MCPH1: variants seen among roughly 807,000 people sequenced by gnomAD.
The protein encoded by MCPH1 is microcephalin.
Under a neutral mutation model 84.5 loss-of-function variants are expected in MCPH1, and 104 were observed. The observed-to-expected ratio is 1.23, with a 90% CI of 1.05 to 1.45. The LOEUF is 1.45. Among genes scored for constraint, MCPH1 ranks in the 40% most tolerant of loss-of-function variants. The probability of loss-of-function intolerance (pLI) is 0.00; values close to 1 mark genes in which losing one functional copy is unlikely to be tolerated. For synonymous variants in MCPH1, 514 were observed against 366.8 expected, an observed-to-expected ratio of 1.40 and a Z score of -4.58; for missense variants, 1,498 against 1,005.7, an observed-to-expected ratio of 1.49 and a Z score of -6.62.
At chr8:6,459,426 C>G (rs1241244041) in intron 9 of MCPH1, among the ~76,000 whole-genome samples, 1 of 152,062 alleles carries the variant, frequency 6.6e-6, no homozygotes, top group Non-Finnish European at 1.5e-5. Context: ...CAGGTGCACG[C>G]CACATATTTT....
At chr8:6,498,507 G>A (rs1299542718) in intron 11 of MCPH1, among the ~76,000 whole-genome samples, 1 of 152,100 alleles carries the variant, frequency 6.6e-6, no homozygotes, top group African/African-American at 2.4e-5. Context: ...GCTTCTTATG[G>A]TTTTGTTTTC....
chr8:6,445,124 A>T lies in MCPH1; in HGVS notation c.1402A>T (p.Thr468Ser), dbSNP rs1472912410. The T allele has an allele frequency of 6.2e-7, 1 of 1,614,144 alleles. No homozygotes were observed. The highest frequency in any genetic ancestry group is 8.5e-7 in the Non-Finnish European group (1 of 1,180,048). ...MSDFSCVGKK[T>S]RTVDITNFTA... is the part of the protein sequence containing the mutation. ...TGATTTTTCCTGCGTTGGCAAAAAA[A>T]CCAGAACAGTTGACATTACCAATTT... Residue 468 changes from threonine to serine, a missense_variant, in exon 8 of 14, where the codon ACC (threonine) becomes TCC (serine). Thr to Ser is a moderately conservative substitution (Grantham distance 58, BLOSUM62 1). Transcript: ENST00000344683.
In MCPH1 at chr8:6,445,326, C is replaced by G. The variant is rs1804161834; in HGVS notation, c.1604C>G (p.Pro535Arg). 1 of 1,614,202 alleles carries G rather than the reference C, an allele frequency of 6.2e-7. No homozygotes were observed. The highest frequency in any genetic ancestry group is 8.5e-7 in the Non-Finnish European group (1 of 1,180,034). The change falls in exon 8 of 14, where the codon CCA (proline) becomes CGA (arginine). Residue 535 changes from proline (P) to arginine (R), a missense_variant. Coordinates refer to ENST00000344683, the MANE Select transcript of MCPH1 (RefSeq NM_024596.5). ...TACACCATTGAGGACCCTGCTCTTCCAAAAGGACATGATGATGATTTAACT... is the reference window on the plus strand; with the variant it reads ...TACACCATTGAGGACCCTGCTCTTCGAAAAGGACATGATGATGATTTAACT... Reference protein sequence around the residue: ...FSYTIEDPALPKGHDDDLTPL... With the variant: ...FSYTIEDPALRKGHDDDLTPL...
At chr8:6,453,086 C>T (rs1805269199) in intron 8 of MCPH1, among the ~76,000 whole-genome samples, 1 of 152,074 alleles carries the variant, frequency 6.6e-6, no homozygotes, top group South Asian at 2.1e-4. Flanking sequence ...GATGACAACC[C>T]ATGAAAAAAC....
At chr8:6,477,051 A>G (rs759232626) in intron 9 of MCPH1, among the ~76,000 whole-genome samples, 15 of 71,542 alleles carry the variant, frequency 2.1e-4, no homozygotes, top group Non-Finnish European at 3.7e-4. Flanking sequence ...AAAAAATTAA[A>G]CATTTTATTT....
chr8:6,474,313 T>G (rs2515589), intron 9 of MCPH1: 5 of 491,734 alleles, frequency 1.0e-5, no homozygotes, highest in African/African-American at 5.8e-5. Flanking sequence ...TTTTCCAACC[T>G]CTGGTGTACC....
intron 11 of MCPH1, among the ~76,000 whole-genome samples, chr8:6,485,969 G>A (rs564164493): frequency 2.0e-4 from 31 of 152,218 alleles, no homozygotes; most frequent in African/African-American, 6.5e-4. Flanking sequence ...CACTTTCTCT[G>A]TTCATCTCAG....
chr8:6,634,058 G>C (rs1797359033), intron 13 of MCPH1, among the ~76,000 whole-genome samples: 1 of 152,154 alleles, frequency 6.6e-6, no homozygotes. Context: ...TGCTGAATGT[G>C]ATGAGCAGAA....
intron 12 of MCPH1, among the ~76,000 whole-genome samples, chr8:6,578,259 C>T (rs139963627): frequency 6.6e-6 from 1 of 152,330 alleles, no homozygotes; most frequent in East Asian, 1.9e-4. Context: ...GTAAAGCACT[C>T]AGCCAGAGCC....
Position 6,468,295 on chromosome 8 carries a change from G to A in MCPH1, c.1936-9299G>A, listed in dbSNP as rs76261666. Among the ~76,000 whole-genome samples the A allele has an allele frequency of 3.3e-3, 509 of 152,164 alleles. 7 individuals carry two copies. Among genetic ancestry groups the A allele is most frequent in the African/African-American group, 0.011 (452 of 41,514 alleles). On this transcript the variant is annotated intron_variant, in intron 9 of 13. Transcript: ENST00000344683. The stretch of plus-strand genomic sequence containing the variant: ...GGAAGGGGGATGCTTGGATGTTCCC[G>A]GGTGTCACCTGTGCATGCCCCCTAT...
In MCPH1 at chr8:6,444,655, CACCCCTG is replaced by C. The variant is rs781402606; in HGVS notation, c.937_943del (p.Pro313LysfsTer30). 1.2e-6 allele frequency: 2 copies of C among 1,613,960 alleles called. No homozygotes were observed. The highest frequency in any genetic ancestry group is 2.2e-5 in the South Asian group (2 of 91,076). On this transcript the variant is annotated frameshift_variant, in exon 8 of 14. Transcript: ENST00000344683. LOFTEE classifies it high-confidence loss of function. ...AAAGAAATATTGCAGGTAAAGTAGT[CACCCCTG>C]ACCAAAAGCAGGCTGCAGGTATGTC...
intron 9 of MCPH1, among the ~76,000 whole-genome samples, chr8:6,461,037 C>T (rs1209356309): frequency 6.6e-6 from 1 of 152,080 alleles, no homozygotes; most frequent in African/African-American, 2.4e-5. Context: ...GAGAAGACAG[C>T]AGTAAGAGGC....
intron 12 of MCPH1, among the ~76,000 whole-genome samples, chr8:6,599,667 C>A (rs879225442): frequency 2.0e-5 from 3 of 152,330 alleles, no homozygotes; most frequent in African/African-American, 7.2e-5. Flanking sequence ...GTTGAGTCAT[C>A]TGTTGTTGGA....
intron 3 of MCPH1, among the ~76,000 whole-genome samples, chr8:6,430,482 C>T (rs1231377352): frequency 6.6e-6 from 1 of 152,244 alleles, no homozygotes; most frequent in Non-Finnish European, 1.5e-5. Flanking sequence ...ATGACATTCA[C>T]TACCCTAGTG....
intron 9 of MCPH1, among the ~76,000 whole-genome samples, chr8:6,474,443 A>G (rs867566936): frequency 1.3e-4 from 20 of 152,190 alleles, no homozygotes; most frequent in Non-Finnish European, 2.1e-4. Context: ...TTAACATGCA[A>G]TGGGTTCACC....
chr8:6,589,272 A>G (rs1207237024), intron 12 of MCPH1, among the ~76,000 whole-genome samples: 1 of 151,026 alleles, frequency 6.6e-6, no homozygotes, highest in African/African-American at 2.4e-5. Context: ...TTCTTCAAAA[A>G]TGACTGATAC....
At chr8:6,534,938 G>T (rs1820222023) in intron 12 of MCPH1, among the ~76,000 whole-genome samples, 1 of 152,190 alleles carries the variant, frequency 6.6e-6, no homozygotes, top group Non-Finnish European at 1.5e-5. Flanking sequence ...TTTTGAGGTT[G>T]CAGTTAAAGC....
chr8:6,639,216 G>C (rs189088826), intron 13 of MCPH1, among the ~76,000 whole-genome samples: 1 of 152,312 alleles, frequency 6.6e-6, no homozygotes, highest in Non-Finnish European at 1.5e-5. Flanking sequence ...TAGATGGGTA[G>C]ATGGGTGGAT....
intron 2 of MCPH1, among the ~76,000 whole-genome samples, chr8:6,410,920 T>C (rs1383780462): frequency 2.0e-5 from 3 of 151,944 alleles, no homozygotes; most frequent in African/African-American, 7.3e-5. Flanking sequence ...TGAAACCCCA[T>C]CTCTACTAAA....
Sources: gnomAD v4.1 joint callset for allele counts (sites outside exome capture counted in the v4.1 genomes callset) on GRCh38, gnomAD v4.1.1 for gene constraint, MANE v1.5 for transcripts, NCBI Gene and HGNC (gene_info 2026-07-23, HGNC 2026-07-21) for gene names.